Variants in CTNNA3 observed in about 807,000 individuals in gnomAD.
CTNNA3 encodes catenin alpha 3.
CTNNA3 carries 76 observed loss-of-function variants against 95.7 expected under a neutral mutation model. The observed-to-expected ratio is 0.79, with a 90% CI of 0.66 to 0.96. CTNNA3 has a LOEUF of 0.96. Ranked by LOEUF, CTNNA3 falls within the 40% of genes least tolerant of loss-of-function variation. The pLI is 0.00. For synonymous variants in CTNNA3, 431 were observed against 374.4 expected (o/e 1.15, Z -1.74); for missense variants, 1,191 against 1,089.8 (o/e 1.09, Z -1.31).
rs557997831 is a variant in CTNNA3 at position 67,485,152 on chromosome 10, G to A, written c.579+36690C>T. ...CTATGCAGCCATAAAAAAGATTGAA[G>A]TTGTGTCCTCTGCAGCAACATGGAT... is the stretch of plus-strand genomic sequence containing the variant. On this transcript the variant is annotated intron_variant, in intron 5 of 17. Coordinates refer to ENST00000433211, the MANE Select transcript of CTNNA3 (RefSeq NM_013266.4). Among the ~76,000 whole-genome samples, 9 of 152,256 alleles carry A rather than the reference G, an allele frequency of 5.9e-5. No individual in the cohort carries two copies. The East Asian group carries it at 1.7e-3, about 29-fold the overall frequency.
intron 5 of CTNNA3, among the ~76,000 whole-genome samples, chr10:67,259,795 T>C (rs1400027462): frequency 6.6e-6 from 1 of 152,162 alleles, no homozygotes; most frequent in Non-Finnish European, 1.5e-5. Context: ...TTCTGCCTCT[T>C]TTCTACTATT....
At chr10:65,935,943 C>T (rs1191648349) in intron 17 of CTNNA3, among the ~76,000 whole-genome samples, 1 of 152,160 alleles carries the variant, frequency 6.6e-6, no homozygotes, top group East Asian at 1.9e-4. Flanking sequence ...GTGAGATGGT[C>T]TGTGGAATAG....
At chr10:66,863,180 TACAC>T (rs71035194) in intron 7 of CTNNA3, among the ~76,000 whole-genome samples, 39,856 of 147,726 alleles carry the variant, frequency 0.27, 6,085 homozygotes, top group Non-Finnish European at 0.37. Flanking sequence ...GCCAATTCTT[TACAC>T]ACACACACAC....
At chr10:67,080,577 T>C (rs1261253425) in intron 7 of CTNNA3, among the ~76,000 whole-genome samples, 2 of 152,158 alleles carry the variant, frequency 1.3e-5, no homozygotes, top group Non-Finnish European at 2.9e-5. Context: ...ATTTATTCAA[T>C]AGGCATCATC....
In CTNNA3 at chr10:66,871,057, T is replaced by TG. The variant is rs1844381904; in HGVS notation, c.1048-95534_1048-95533insC. Among the ~76,000 whole-genome samples the TG allele has an allele frequency of 3.3e-5, 5 of 152,320 alleles. No homozygotes were observed. In the South Asian group the frequency reaches 1.0e-3, roughly 32 times the overall value. ...AAAAAGGGCTTTGTTGCTGGTTTGT[T>TG]TTGCTCTGCTGGTTTTGTTCATGTG... On this transcript the variant is annotated intron_variant, in intron 7 of 17. Coordinates refer to ENST00000433211, the MANE Select transcript of CTNNA3 (RefSeq NM_013266.4).
chr10:67,149,103 C>T (rs1361781896), intron 7 of CTNNA3, among the ~76,000 whole-genome samples: 2 of 152,078 alleles, frequency 1.3e-5, no homozygotes, highest in Non-Finnish European at 2.9e-5. Flanking sequence ...AAAGTAAACG[C>T]CCAACATAAA....
chr10:67,601,487 C>G (rs1843082363), intron 3 of CTNNA3, among the ~76,000 whole-genome samples: 1 of 152,140 alleles, frequency 6.6e-6, no homozygotes, highest in Non-Finnish European at 1.5e-5. Flanking sequence ...CACTCACCTC[C>G]TGCTGTACGG....
intron 7 of CTNNA3, among the ~76,000 whole-genome samples, chr10:67,059,719 A>G (rs2133214138): frequency 6.6e-6 from 1 of 152,294 alleles, no homozygotes; most frequent in African/African-American, 2.4e-5. Context: ...ATAAGGAATC[A>G]GAATGGAGAA....
chr10:66,006,054 C>T (rs977211976), intron 15 of CTNNA3, among the ~76,000 whole-genome samples: 4 of 147,300 alleles, frequency 2.7e-5, no homozygotes, highest in African/African-American at 1.0e-4. Flanking sequence ...GCTCTGTTGC[C>T]CAGGCTGGAG....
At chr10:66,501,853 A>G (rs1564494594) in intron 11 of CTNNA3, among the ~76,000 whole-genome samples, 1 of 152,160 alleles carries the variant, frequency 6.6e-6, no homozygotes, top group East Asian at 1.9e-4. Context: ...GGCTTTCATC[A>G]AAATCTTTAG....
chr10:65,932,552 T>C (rs2077271436), intron 17 of CTNNA3, among the ~76,000 whole-genome samples: 1 of 152,136 alleles, frequency 6.6e-6, no homozygotes, highest in Admixed American at 6.6e-5. Flanking sequence ...GTAACACAGA[T>C]AGTAAGAGGT....
chr10:67,087,876 C>T (rs1370882226), intron 7 of CTNNA3, among the ~76,000 whole-genome samples: 2 of 151,988 alleles, frequency 1.3e-5, no homozygotes, highest in African/African-American at 2.4e-5. Flanking sequence ...AATAAATACA[C>T]ATATAGTGCT....
chr10:66,730,334 G>T (rs370291298), intron 9 of CTNNA3, among the ~76,000 whole-genome samples: 1 of 152,222 alleles, frequency 6.6e-6, no homozygotes, highest in East Asian at 1.9e-4. Flanking sequence ...ATTATGCTCA[G>T]CAAACTAACG....
chr10:67,544,112 AG>A (rs1410960362), intron 3 of CTNNA3, among the ~76,000 whole-genome samples: 6 of 152,174 alleles, frequency 3.9e-5, no homozygotes, highest in Non-Finnish European at 7.3e-5. Context: ...GTTATAGACT[AG>A]GAATGTGGCT....
intron 9 of CTNNA3, among the ~76,000 whole-genome samples, chr10:66,718,973 A>G (rs2132629467): frequency 6.6e-6 from 1 of 152,250 alleles, no homozygotes; most frequent in East Asian, 1.9e-4. Context: ...ATTAATTTAC[A>G]TTGCTTTCTA....
chr10:67,353,964 T>C (rs1401779767), intron 5 of CTNNA3, among the ~76,000 whole-genome samples: 1 of 151,996 alleles, frequency 6.6e-6, no homozygotes, highest in East Asian at 1.9e-4. Flanking sequence ...ATTGCAGTCC[T>C]TGCATTTTCA....
chr10:67,212,371 G>A (rs1864174653), intron 6 of CTNNA3, among the ~76,000 whole-genome samples: 1 of 151,888 alleles, frequency 6.6e-6, no homozygotes, highest in Non-Finnish European at 1.5e-5. Context: ...CACTAGAAAT[G>A]TGTTGTTTAG....
chr10:66,349,675 G>T (rs2092552021), intron 12 of CTNNA3, among the ~76,000 whole-genome samples: 1 of 152,002 alleles, frequency 6.6e-6, no homozygotes, highest in South Asian at 2.1e-4. Context: ...ATTTCCATGA[G>T]AAAAATACCC....
intron 13 of CTNNA3, among the ~76,000 whole-genome samples, chr10:66,198,950 T>C (rs890862709): frequency 1.3e-5 from 2 of 152,222 alleles, no homozygotes; most frequent in African/African-American, 2.4e-5. Flanking sequence ...ATTAAGATGA[T>C]AGAGTAGTTT....
Sources: allele counts gnomAD v4.1 joint callset (sites outside exome capture counted in the v4.1 genomes callset), GRCh38; gene constraint gnomAD v4.1.1; transcripts MANE v1.5; gene names NCBI Gene and HGNC (gene_info 2026-07-23, HGNC 2026-07-21).